GNB4: variants seen among roughly 807,000 people sequenced by gnomAD.
GNB4 encodes the protein G protein subunit beta 4.
Under a neutral mutation model 45.2 loss-of-function variants are expected in GNB4, and 28 were observed. The ratio of observed to expected loss-of-function variants is 0.62; its 90% CI spans 0.46 to 0.85. The LOEUF is 0.85. Among genes scored for constraint, GNB4 ranks in the 40% least tolerant of loss-of-function variants. The probability of loss-of-function intolerance (pLI) is 0.00; values close to 1 mark genes in which losing one functional copy is unlikely to be tolerated. For synonymous variants in GNB4, 132 were observed against 143.7 expected (o/e 0.92, Z 0.58); for missense variants, 321 against 425.4 (o/e 0.75, Z 2.16).
intron 2 of GNB4, among the ~76,000 whole-genome samples, chr3:179,423,907 T>C (rs977072185): frequency 6.6e-6 from 1 of 151,986 alleles, no homozygotes; most frequent in Admixed American, 6.6e-5. Flanking sequence ...AGGGAACAAT[T>C]TGATAAAAGG....
intron 9 of GNB4, among the ~76,000 whole-genome samples, chr3:179,403,926 A>G (rs1162968798): frequency 6.6e-6 from 1 of 152,178 alleles, no homozygotes; most frequent in Non-Finnish European, 1.5e-5. Context: ...GGGAATGATG[A>G]TAATAGAGAA....
At position 179,396,965 on chromosome 3, in the gene GNB4, T is replaced by A. The variant is rs916366485; in HGVS notation, c.*4248A>T. 5.3e-5 allele frequency: 8 copies of A among 152,208 alleles called. No homozygotes were observed. Among genetic ancestry groups the A allele is most frequent in the African/African-American group, 1.9e-4 (8 of 41,462 alleles). The allele number at this position is 152,208 out of a possible 1,614,324, so 9.4% of individuals were successfully genotyped here. A position where few individuals can be genotyped will look rare whatever the true frequency, so the allele number is the denominator to read the frequency against. On this transcript the variant is annotated 3_prime_UTR_variant, in exon 10 of 10. Transcript: ENST00000232564. ...TTCATTGTGCAACCCATAAGAAAGA[T>A]GGTCCAACCTGTGGGTATTTTTAAA... is the stretch of plus-strand genomic sequence containing the variant.
the GNB4 span, among the ~76,000 whole-genome samples, chr3:179,508,929 T>G: frequency 3.1e-5 from 3 of 97,942 alleles, no homozygotes; most frequent in South Asian, 7.1e-4. Flanking sequence ...TCTTTCAGCA[T>G]GTGTATATAT....
At chr3:179,406,494 TGTGAGGTTAGCTTGGTTTTTAATCTTTTA>T (rs1714473350) in intron 8 of GNB4, among the ~76,000 whole-genome samples, 1 of 152,178 alleles carries the variant, frequency 6.6e-6, no homozygotes, top group East Asian at 1.9e-4. Flanking sequence ...TGTGAAAAAG[TGTGAGGTTAGCTTGGTTTTTAATCTTTTA>T]TATCTAGGTA....
intron 8 of GNB4, chr3:179,405,881 A>C (rs28525971): frequency 0.023 from 3,573 of 152,550 alleles, 79 homozygotes; most frequent in South Asian, 0.061. Flanking sequence ...TAAAACCCAA[A>C]TATGGTGCAA....
intron 1 of GNB4, among the ~76,000 whole-genome samples, chr3:179,447,482 G>A (rs1715764606): frequency 6.6e-6 from 1 of 151,810 alleles, no homozygotes; most frequent in African/African-American, 2.4e-5. Context: ...CCATGTAGCT[G>A]AGACCACAGA....
chr3:179,438,720 G>A (rs545007344), intron 1 of GNB4, among the ~76,000 whole-genome samples: 2 of 152,288 alleles, frequency 1.3e-5, no homozygotes, highest in South Asian at 4.1e-4. Context: ...TTCTGGGAGA[G>A]GACTAAAACA....
chr3:179,458,380 C>A, the GNB4 span, among the ~76,000 whole-genome samples: 1 of 152,146 alleles, frequency 6.6e-6, no homozygotes, highest in Non-Finnish European at 1.5e-5. Flanking sequence ...TTTAAGTGTT[C>A]TTTGGGAAAA....
chr3:179,523,328 T>C, the GNB4 span, among the ~76,000 whole-genome samples: 1 of 152,052 alleles, frequency 6.6e-6, no homozygotes, highest in East Asian at 1.9e-4. Context: ...GCCTGATGGG[T>C]GTCAGGGTCA....
At chr3:179,502,811 C>T in the GNB4 span, among the ~76,000 whole-genome samples, 1 of 152,164 alleles carries the variant, frequency 6.6e-6, no homozygotes, top group South Asian at 2.1e-4. Flanking sequence ...CTCAGAGTCC[C>T]ATGTATATGC....
intron 8 of GNB4, among the ~76,000 whole-genome samples, chr3:179,411,425 A>G (rs1027779637): frequency 6.6e-6 from 1 of 151,768 alleles, no homozygotes; most frequent in Non-Finnish European, 1.5e-5. Flanking sequence ...GGAAGCCTCT[A>G]TATTTACTTA....
intron 8 of GNB4, among the ~76,000 whole-genome samples, chr3:179,406,639 G>T (rs1038695646): frequency 1.5e-4 from 23 of 151,922 alleles, no homozygotes; most frequent in Admixed American, 5.9e-4. Context: ...TTGAGACAGA[G>T]TCTTGCTCTG....
chr3:179,518,614 G>A, the GNB4 span, among the ~76,000 whole-genome samples: 14 of 152,040 alleles, frequency 9.2e-5, no homozygotes, highest in African/African-American at 2.9e-4. Flanking sequence ...CACTCGGTCC[G>A]GCTAACAGTT....
chr3:179,503,752 T>C, the GNB4 span, among the ~76,000 whole-genome samples: 110,147 of 152,122 alleles, frequency 0.72, 40,120 homozygotes, highest in East Asian at 0.97. Flanking sequence ...TGGGTTGGCT[T>C]ATTATTCAAA....
In GNB4 at chr3:179,407,620, T is replaced by TC. The variant is rs1428974800; in HGVS notation, c.700-2215dup. 2.0e-5 allele frequency among the ~76,000 whole-genome samples: 3 copies of TC among 152,164 alleles called. No individual in the cohort carries two copies. In the East Asian group the frequency reaches 5.8e-4, roughly 29 times the overall value. On this transcript the variant is annotated intron_variant, in intron 8 of 9. Coordinates refer to ENST00000232564, the MANE Select transcript of GNB4 (RefSeq NM_021629.4). Reference sequence around the variant, plus strand: ...TGAGTTGAGGAGAAAGCACTGGGAATCCAAGAAGTCCACAGCAGCTAGAGT... The same window carrying TC: ...TGAGTTGAGGAGAAAGCACTGGGAATCCCAAGAAGTCCACAGCAGCTAGAGT...
At position 179,400,231 on chromosome 3, in the gene GNB4, A is replaced by G. The variant is rs1414513814; in HGVS notation, c.*982T>C. 5 of 152,226 alleles carry G rather than the reference A, an allele frequency of 3.3e-5. No homozygotes were observed. The highest frequency in any genetic ancestry group is 1.2e-4 in the African/African-American group (5 of 41,456). The allele number at this position is 152,226 out of a possible 1,614,324, so 9.4% of individuals were successfully genotyped here. A position where few individuals can be genotyped will look rare whatever the true frequency, so the allele number is the denominator to read the frequency against. ...AATAAACCACCGTATTACAACAAAT[A>G]TGTGCTAGCGATTGGTTAGATTTCA... On this transcript the variant is annotated 3_prime_UTR_variant, in exon 10 of 10. Transcript: ENST00000232564.
chr3:179,478,859 A>G, the GNB4 span, among the ~76,000 whole-genome samples: 3 of 152,218 alleles, frequency 2.0e-5, no homozygotes, highest in Non-Finnish European at 4.4e-5. Context: ...TTCTCATCAT[A>G]GAGTTCTCAT....
chr3:179,403,254 CT>C (rs992021753), intron 9 of GNB4, among the ~76,000 whole-genome samples: 17 of 150,902 alleles, frequency 1.1e-4, no homozygotes, highest in Non-Finnish European at 4.4e-5. Flanking sequence ...AGAATTAACA[CT>C]TTTAAGGAAA....
the GNB4 span, among the ~76,000 whole-genome samples, chr3:179,471,475 C>G: frequency 6.6e-6 from 1 of 152,050 alleles, no homozygotes; most frequent in South Asian, 2.1e-4. Context: ...ACGTACTTAC[C>G]ATTATGTTAT....
Sources: allele counts gnomAD v4.1 joint callset (sites outside exome capture counted in the v4.1 genomes callset), GRCh38; gene constraint gnomAD v4.1.1; transcripts MANE v1.5; gene names NCBI Gene and HGNC (gene_info 2026-07-23, HGNC 2026-07-21).